Variants in ZFHX3 observed in about 807,000 individuals in gnomAD.
ZFHX3 encodes the protein zinc finger homeobox protein 3.
ZFHX3 carries 42 observed loss-of-function variants against 279.1 expected under a neutral mutation model. The observed-to-expected ratio is 0.15, with a 90% CI of 0.12 to 0.19. The LOEUF (loss-of-function observed/expected upper bound fraction) is 0.19. Ranked by LOEUF, ZFHX3 falls within the 10% of genes least tolerant of loss-of-function variation. The probability of loss-of-function intolerance (pLI) is 1.00; values close to 1 mark genes in which losing one functional copy is unlikely to be tolerated. For missense variants in ZFHX3, 4,981 were observed against 4,754.0 expected, an observed-to-expected ratio of 1.05 and a Z score of -1.40; for synonymous variants, 2,293 against 1,957.8, an observed-to-expected ratio of 1.17 and a Z score of -4.52.
intron 3 of ZFHX3, 43 bp from the exon 4 acceptor site, chr16:72,890,005 T>TTTTTTAATGATA: frequency 1.3e-6 from 2 of 1,558,688 alleles, no homozygotes; most frequent in East Asian, 2.3e-5. Context: ...GGTAAGCCAC[T>TTTTTTAATGATA]CGAAGCGGCC....
chr16:72,848,498 GATAAAAGCTTCCT>G (rs1192704312), intron 4 of ZFHX3, among the ~76,000 whole-genome samples: 4 of 152,166 alleles, frequency 2.6e-5, no homozygotes, highest in Non-Finnish European at 5.9e-5. Context: ...GCCTGATGCT[GATAAAAGCTTCCT>G]AAGCCTCCTC....
intron 7 of ZFHX3, among the ~76,000 whole-genome samples, chr16:72,810,153 G>T (rs2036398884): frequency 6.6e-6 from 1 of 150,712 alleles, no homozygotes; most frequent in Non-Finnish European, 1.5e-5. Context: ...CAAAGTGCTG[G>T]GATTACAGGT....
At chr16:73,638,408 A>G (rs1261113876) in intron 2 of ZFHX3, among the ~76,000 whole-genome samples, 1 of 152,204 alleles carries the variant, frequency 6.6e-6, no homozygotes, top group African/African-American at 2.4e-5. Flanking sequence ...ACCTTATTTA[A>G]CAGGTTGGTT....
intron 3 of ZFHX3, among the ~76,000 whole-genome samples, chr16:73,351,387 C>T (rs2143287528): frequency 6.6e-6 from 1 of 152,258 alleles, no homozygotes; most frequent in Non-Finnish European, 1.5e-5. Flanking sequence ...CGTATTGGTC[C>T]CTAACGTAAT....
At chr16:73,487,682 G>A (rs1411962623) in intron 2 of ZFHX3, 2 of 210,944 alleles carry the variant, frequency 9.5e-6, no homozygotes, top group African/African-American at 2.3e-5. Flanking sequence ...TGGAATTACA[G>A]GCGTGAGCCA....
intron 4 of ZFHX3, among the ~76,000 whole-genome samples, chr16:73,278,915 C>CGACCCAG (rs1298536652): frequency 6.6e-6 from 1 of 152,200 alleles, no homozygotes; most frequent in Non-Finnish European, 1.5e-5. Context: ...AGTCCCCTCT[C>CGACCCAG]GACCCAGGAA....
rs2038725870 is a variant in ZFHX3 at position 72,889,836 on chromosome 16, T to C, written c.3343A>G (p.Ser1115Gly). Residue 1115 changes from serine to glycine, a missense_variant, in exon 4 of 10, where the codon AGC becomes GGC. Physicochemically the swap from Ser to Gly is moderately conservative, Grantham distance 56. Transcript: ENST00000268489. ...CGCTGCAGCTTTCGCAGGCTCTCGC[T>C]TCGCTGGTGCTTCATGGAGCGCACA... is the stretch of plus-strand genomic sequence containing the variant. ...QHVRSMKHQR[S>G]ESLRKLQRLQ... 1 of 1,613,970 alleles carries C rather than the reference T, an allele frequency of 6.2e-7. No individual in the cohort carries two copies. The highest frequency in any genetic ancestry group is 1.3e-5 in the African/African-American group (1 of 74,936).
chr16:73,067,383 C>T (rs952435782), intron 8 of ZFHX3, among the ~76,000 whole-genome samples: 31 of 152,216 alleles, frequency 2.0e-4, no homozygotes, highest in Non-Finnish European at 1.5e-5. Flanking sequence ...CACGGGCGCT[C>T]CTCCACCCCA....
intron 1 of ZFHX3, among the ~76,000 whole-genome samples, chr16:73,751,935 G>C (rs778649873): frequency 3.9e-5 from 6 of 152,186 alleles, no homozygotes; most frequent in Non-Finnish European, 7.3e-5. Context: ...TATGAGAAAA[G>C]AAGCCAGGTC....
chr16:72,860,124 C>T (rs916222466), intron 4 of ZFHX3, among the ~76,000 whole-genome samples: 4 of 152,088 alleles, frequency 2.6e-5, no homozygotes, highest in Non-Finnish European at 4.4e-5. Context: ...ATCCTGGTCT[C>T]GTTACCGATT....
chr16:73,028,581 CAG>C (rs961128399), intron 1 of ZFHX3, among the ~76,000 whole-genome samples: 5 of 152,192 alleles, frequency 3.3e-5, no homozygotes, highest in South Asian at 2.1e-4. Flanking sequence ...CACCAACAGA[CAG>C]GGGACGATTG....
At chr16:73,087,142 A>T (rs1029527278) in intron 8 of ZFHX3, among the ~76,000 whole-genome samples, 9 of 152,326 alleles carry the variant, frequency 5.9e-5, no homozygotes, top group African/African-American at 1.4e-4. Flanking sequence ...AAATTTAATT[A>T]AAAAGTATAA....
intron 1 of ZFHX3, among the ~76,000 whole-genome samples, chr16:73,789,103 T>G (rs1446844241): frequency 6.6e-6 from 1 of 151,220 alleles, no homozygotes; most frequent in Non-Finnish European, 1.5e-5. Flanking sequence ...TATACAGATA[T>G]CTTGTAGATA....
At chr16:73,889,586 G>A (rs1008559600) in intron 1 of ZFHX3, among the ~76,000 whole-genome samples, 4 of 152,196 alleles carry the variant, frequency 2.6e-5, no homozygotes, top group Admixed American at 6.5e-5. Flanking sequence ...TCAAAGAGGG[G>A]CAATAATGAA....
chr16:73,814,759 G>C (rs973664225), intron 1 of ZFHX3, among the ~76,000 whole-genome samples: 11 of 151,846 alleles, frequency 7.2e-5, no homozygotes, highest in African/African-American at 2.2e-4. Context: ...GTAAAGACAG[G>C]GTTTCACCAT....
At chr16:73,000,533 G>C (rs1430646547) in intron 1 of ZFHX3, among the ~76,000 whole-genome samples, 1 of 152,116 alleles carries the variant, frequency 6.6e-6, no homozygotes, top group South Asian at 2.1e-4. Flanking sequence ...CCTTGACTTC[G>C]TAAGTGGTGG....
intron 2 of ZFHX3, among the ~76,000 whole-genome samples, chr16:73,668,107 G>A (rs2052863861): frequency 6.6e-6 from 1 of 152,108 alleles, no homozygotes; most frequent in Non-Finnish European, 1.5e-5. Context: ...GGACTCATCT[G>A]GACCACCCTC....
intron 2 of ZFHX3, among the ~76,000 whole-genome samples, chr16:73,589,934 G>C (rs1405615406): frequency 6.6e-6 from 1 of 151,932 alleles, no homozygotes; most frequent in African/African-American, 2.4e-5. Flanking sequence ...ACTATTCAAA[G>C]TGTTTTTAAA....
intron 3 of ZFHX3, among the ~76,000 whole-genome samples, chr16:73,449,563 T>C (rs1009694679): frequency 6.6e-6 from 1 of 152,068 alleles, no homozygotes; most frequent in African/African-American, 2.4e-5. Flanking sequence ...TAAAGGTAAA[T>C]AAAAAACAAT....
Sources: gnomAD v4.1 joint callset for allele counts (sites outside exome capture counted in the v4.1 genomes callset) on GRCh38, gnomAD v4.1.1 for gene constraint, MANE v1.5 for transcripts, NCBI Gene and HGNC (gene_info 2026-07-23, HGNC 2026-07-21) for gene names.